Variants in MEI4 observed in about 807,000 individuals in gnomAD.
MEI4 encodes meiotic double-stranded break formation protein 4.
In MEI4, 27 loss-of-function variants were observed where a neutral mutation model predicts 31.4. The observed-to-expected ratio is 0.86, with a 90% CI of 0.63 to 1.19. MEI4 has a LOEUF of 1.19. Among genes scored for constraint, MEI4 ranks in the 50% most tolerant of loss-of-function variants. MEI4 has a pLI of 0.00. For synonymous variants in MEI4, 122 were observed against 145.4 expected, an observed-to-expected ratio of 0.84 and a Z score of 1.16; for missense variants, 329 against 398.9, an observed-to-expected ratio of 0.82 and a Z score of 1.49.
intron 2 of MEI4, among the ~76,000 whole-genome samples, chr6:77,751,219 G>A (rs191108194): frequency 2.0e-5 from 3 of 151,992 alleles, no homozygotes; most frequent in Non-Finnish European, 4.4e-5. Flanking sequence ...TGAGAAACAA[G>A]AGCAAACAAA....
At chr6:77,710,957 T>A (rs1766450788) in intron 2 of MEI4, among the ~76,000 whole-genome samples, 1 of 152,254 alleles carries the variant, frequency 6.6e-6, no homozygotes, top group East Asian at 1.9e-4. Context: ...TTTACTGGGA[T>A]ATTCTCTGAA....
intron 2 of MEI4, among the ~76,000 whole-genome samples, chr6:77,730,002 C>T (rs1441243592): frequency 6.6e-6 from 1 of 151,910 alleles, no homozygotes; most frequent in Non-Finnish European, 1.5e-5. Context: ...GCAATTGGAA[C>T]TCTGTGGCCA....
chr6:77,743,065 G>A (rs1269028802), intron 2 of MEI4, among the ~76,000 whole-genome samples: 2 of 152,054 alleles, frequency 1.3e-5, no homozygotes, highest in African/African-American at 2.4e-5. Flanking sequence ...GATGCCTCCA[G>A]CTTTGTTCTT....
chr6:77,755,702 T>C (rs879873223), intron 2 of MEI4, among the ~76,000 whole-genome samples: 1 of 152,052 alleles, frequency 6.6e-6, no homozygotes, highest in Non-Finnish European at 1.5e-5. Flanking sequence ...ATTATAATGT[T>C]TAATTGATAT....
At chr6:77,732,411 A>G (rs1767029288) in intron 2 of MEI4, among the ~76,000 whole-genome samples, 1 of 152,042 alleles carries the variant, frequency 6.6e-6, no homozygotes, top group Non-Finnish European at 1.5e-5. Flanking sequence ...GAGTTCACTC[A>G]TGATTTGGCT....
chr6:77,682,961 T>C (rs1441552441), intron 1 of MEI4, among the ~76,000 whole-genome samples: 1 of 152,246 alleles, frequency 6.6e-6, no homozygotes, highest in Non-Finnish European at 1.5e-5. Flanking sequence ...GGCAGAATTC[T>C]CATTCCATGG....
rs566049665 is a variant in MEI4, at chr6:77,914,311, A to C, written c.901-8778A>C. ...TTGCGTATTGATTTTTATTTGTTTC[A>C]AGACATTTTTTAATTTTCTCCCTAA... On this transcript the variant is annotated intron_variant, in intron 4 of 4. Transcript: ENST00000684080. 4.6e-5 allele frequency among the ~76,000 whole-genome samples: 7 copies of C among 151,988 alleles called. No individual in the cohort carries two copies. The South Asian group carries it at 1.5e-3, about 32-fold the overall frequency.
At chr6:77,890,503 A>G (rs1010000514) in intron 4 of MEI4, among the ~76,000 whole-genome samples, 5 of 152,026 alleles carry the variant, frequency 3.3e-5, no homozygotes, top group African/African-American at 1.2e-4. Context: ...CTTACTTTTG[A>G]TTTTACAGGC....
intron 4 of MEI4, among the ~76,000 whole-genome samples, chr6:77,893,275 G>T (rs558596978): frequency 1.3e-5 from 2 of 152,204 alleles, no homozygotes; most frequent in South Asian, 4.1e-4. Flanking sequence ...TTTTTAACGT[G>T]TGTATTAACA....
chr6:77,745,869 T>C (rs1767585184), intron 2 of MEI4, among the ~76,000 whole-genome samples: 1 of 152,120 alleles, frequency 6.6e-6, no homozygotes, highest in Non-Finnish European at 1.5e-5. Context: ...CCTGAATGAC[T>C]ACTGGGTACA....
Position 77,820,583 on chromosome 6 carries a change from C to A in MEI4, c.769-8348C>A, listed in dbSNP as rs183838945. On this transcript the variant is annotated intron_variant, in intron 3 of 4. Coordinates refer to ENST00000684080, the MANE Select transcript of MEI4 (RefSeq NM_001322247.2). This position sits in a 1 kb window ranked among gnomAD's most constrained non-coding sequence, Gnocchi z 4.5. ...GCCCGGCCGGTTTTCTTTTTTAAAT[C>A]CCTTTAGTATGGTTCTATCAGTGTT... Among the ~76,000 whole-genome samples, 2 of 151,966 alleles carry A rather than the reference C, an allele frequency of 1.3e-5. No homozygotes were observed. The highest frequency in any genetic ancestry group is 6.6e-5 in the Admixed American group (1 of 15,242).
intron 4 of MEI4, among the ~76,000 whole-genome samples, chr6:77,846,918 G>A (rs1347080737): frequency 6.6e-6 from 1 of 152,036 alleles, no homozygotes; most frequent in African/African-American, 2.4e-5. Context: ...ATTTTTTTAG[G>A]CTGTGCATTA....
chr6:77,710,140 T>C (rs1011082606), intron 2 of MEI4, among the ~76,000 whole-genome samples: 1 of 152,188 alleles, frequency 6.6e-6, no homozygotes, highest in Non-Finnish European at 1.5e-5. Context: ...GACAGCAAAC[T>C]TAGTTGTTCA....
At chr6:77,799,827 G>A (rs1174297469) in intron 3 of MEI4, among the ~76,000 whole-genome samples, 1 of 152,068 alleles carries the variant, frequency 6.6e-6, no homozygotes, top group Non-Finnish European at 1.5e-5. Context: ...TATTTCTGAG[G>A]GCTCTGTTCT....
intron 2 of MEI4, among the ~76,000 whole-genome samples, chr6:77,750,410 A>G (rs1055390280): frequency 6.6e-6 from 1 of 152,208 alleles, no homozygotes; most frequent in Non-Finnish European, 1.5e-5. Context: ...GGCTCAAAAT[A>G]AAGGGATGGA....
intron 2 of MEI4, among the ~76,000 whole-genome samples, chr6:77,714,166 T>C (rs1166155576): frequency 1.3e-5 from 2 of 152,052 alleles, no homozygotes; most frequent in East Asian, 3.9e-4. Flanking sequence ...TCTATGTCTT[T>C]GCTATTGTGA....
chr6:77,682,724 C>G (rs1768981790), intron 1 of MEI4, among the ~76,000 whole-genome samples: 1 of 152,114 alleles, frequency 6.6e-6, no homozygotes, highest in African/African-American at 2.4e-5. Context: ...TACTGTGAGC[C>G]AGTATTCATG....
chr6:77,798,826 C>T (rs1212285037), intron 3 of MEI4, among the ~76,000 whole-genome samples: 4 of 151,970 alleles, frequency 2.6e-5, no homozygotes, highest in African/African-American at 9.7e-5. Flanking sequence ...ATGAACTCAT[C>T]ATTTTTTATG....
At chr6:77,823,922 A>G (rs528069269) in intron 3 of MEI4, among the ~76,000 whole-genome samples, 3 of 152,164 alleles carry the variant, frequency 2.0e-5, no homozygotes, top group Non-Finnish European at 4.4e-5. Flanking sequence ...TTGATGGTGC[A>G]GTGTAATAGT....
Sources: allele counts gnomAD v4.1 joint callset (sites outside exome capture counted in the v4.1 genomes callset), GRCh38; gene constraint gnomAD v4.1.1; non-coding constraint Gnocchi (gnomAD v3.1); transcripts MANE v1.5; gene names NCBI Gene and HGNC (gene_info 2026-07-23, HGNC 2026-07-21).